Variants in UBXN7 observed in about 807,000 individuals in gnomAD.
The protein encoded by UBXN7 is UBX domain protein 7.
A neutral mutation model predicts 58.0 loss-of-function variants in UBXN7; 9 were observed. That is an observed-to-expected ratio of 0.16 (90% confidence interval 0.09 to 0.27). The LOEUF (loss-of-function observed/expected upper bound fraction) is 0.27, where lower values mean the gene tolerates loss of function less well. UBXN7 is among the 10% of genes least tolerant of loss of function. The pLI is 1.00. For missense variants in UBXN7, 328 were observed against 599.6 expected (o/e 0.55, Z 4.73); for synonymous variants, 208 against 205.0 (o/e 1.01, Z -0.12).
intron 3 of UBXN7, among the ~76,000 whole-genome samples, chr3:196,401,861 A>G (rs1730004796): frequency 6.6e-6 from 1 of 150,798 alleles, no homozygotes; most frequent in Non-Finnish European, 1.5e-5. Flanking sequence ...AGAAGAGAAG[A>G]AAAACTACCT....
intron 1 of UBXN7, among the ~76,000 whole-genome samples, chr3:196,408,634 G>T (rs1458071411): frequency 6.6e-6 from 1 of 151,958 alleles, no homozygotes; most frequent in African/African-American, 2.4e-5. Context: ...TTAAGTTTTT[G>T]TCTGCAAATG....
At position 196,375,004 on chromosome 3, in the gene UBXN7, GAGGAAGGA is replaced by G. The variant is rs1179864500; in HGVS notation, c.469-2970_469-2963del. On this transcript the variant is annotated intron_variant, in intron 5 of 10. Transcript: ENST00000296328. Reference sequence around the variant, plus strand: ...GAAGGAAGGGAGGGAGGGAGGGAGGGAGGAAGGAAGGAAGGAAGGAAGGAAGGAAGGAA... The same window carrying G: ...GAAGGAAGGGAGGGAGGGAGGGAGGGAGGAAGGAAGGAAGGAAGGAAGGAA... Among the ~76,000 whole-genome samples, 40 of 37,532 alleles carry G rather than the reference GAGGAAGGA, an allele frequency of 1.1e-3. 1 individual carries two copies. Among genetic ancestry groups the G allele is most frequent in the African/African-American group, 5.2e-3 (35 of 6,746 alleles). The allele number at this position is 37,532 out of a possible 152,430, so 24.6% of individuals were successfully genotyped here. A position where few individuals can be genotyped will look rare whatever the true frequency, so the allele number is the denominator to read the frequency against.
intron 1 of UBXN7, chr3:196,423,412 G>C: frequency 3.7e-6 from 1 of 268,842 alleles, no homozygotes; most frequent in South Asian, 3.1e-5. Flanking sequence ...TGTGGAGCTG[G>C]CCCCCTCATC....
intron 1 of UBXN7, among the ~76,000 whole-genome samples, chr3:196,417,970 C>T (rs1405952646): frequency 3.3e-5 from 5 of 151,776 alleles, no homozygotes; most frequent in Admixed American, 2.0e-4. Flanking sequence ...TGGGATACCT[C>T]TTAATTAGCA....
Position 196,356,900 on chromosome 3 carries a change from T to C in UBXN7, c.1309-54A>G, listed in dbSNP as rs192851127. Reference sequence around the variant, plus strand: ...TTAGACGGAAAAAGAGGAAAGAGCATATTAGTGAATTAAATAGAAAACATT... The same window carrying C: ...TTAGACGGAAAAAGAGGAAAGAGCACATTAGTGAATTAAATAGAAAACATT... On this transcript the variant is annotated intron_variant, in intron 10 of 10. Coordinates refer to ENST00000296328, the MANE Select transcript of UBXN7 (RefSeq NM_015562.2). 3.2e-6 allele frequency: 5 copies of C among 1,556,382 alleles called. No individual in the cohort carries two copies. In the East Asian group the frequency reaches 6.9e-5, roughly 21 times the overall value.
chr3:196,417,462 C>T (rs577665380), intron 1 of UBXN7, among the ~76,000 whole-genome samples: 1 of 152,048 alleles, frequency 6.6e-6, no homozygotes, highest in Non-Finnish European at 1.5e-5. Flanking sequence ...TTAATAAGAG[C>T]CTGGGAACTA....
intron 2 of UBXN7, among the ~76,000 whole-genome samples, 166 bp downstream of exon 2, chr3:196,407,080 A>G (rs1364978972): frequency 6.6e-6 from 1 of 152,266 alleles, no homozygotes; most frequent in Non-Finnish European, 1.5e-5. Context: ...ACAGTACTCT[A>G]AAGAATTTAA....
intron 5 of UBXN7, among the ~76,000 whole-genome samples, chr3:196,379,973 G>GA (rs1729150133): frequency 6.6e-6 from 1 of 152,186 alleles, no homozygotes; most frequent in Admixed American, 6.5e-5. Context: ...GGTTTATCAA[G>GA]AATGTGAAGG....
Position 196,401,248 on chromosome 3 carries a change from C to CAAAAAA in UBXN7, c.289+1698_289+1703dup, listed in dbSNP as rs35766312. 8.4e-3 allele frequency among the ~76,000 whole-genome samples: 19 copies of CAAAAAA among 2,274 alleles called. 7 individuals are homozygous for CAAAAAA. The highest frequency in any genetic ancestry group is 0.01 in the Non-Finnish European group (12 of 1,180). 1.5% of individuals were successfully genotyped at this position (2,274 alleles called of 152,430 possible). On this transcript the variant is annotated intron_variant, in intron 3 of 10. Coordinates refer to ENST00000296328, the MANE Select transcript of UBXN7 (RefSeq NM_015562.2). ...CTAACATGGAGAAACCCCGTCTCTC[C>CAAAAAA]AAAAAAAAAAAAAAAAAAAAAAAAA...
chr3:196,373,380 T>C (rs1728898926), intron 5 of UBXN7, among the ~76,000 whole-genome samples: 1 of 152,192 alleles, frequency 6.6e-6, no homozygotes, highest in Admixed American at 6.5e-5. Context: ...CTTGTCAGCA[T>C]AAAGACCCAT....
At chr3:196,380,703 C>T (rs577298058) in intron 5 of UBXN7, among the ~76,000 whole-genome samples, 14 of 152,314 alleles carry the variant, frequency 9.2e-5, no homozygotes, top group South Asian at 2.1e-4. Flanking sequence ...TGCAAGGGGT[C>T]GGGGAAATCA....
At chr3:196,415,005 C>G (rs1447547277) in intron 1 of UBXN7, among the ~76,000 whole-genome samples, 4 of 152,154 alleles carry the variant, frequency 2.6e-5, no homozygotes, top group African/African-American at 9.7e-5. Context: ...AATACAAATT[C>G]TTGGGGCAAA....
intron 3 of UBXN7, among the ~76,000 whole-genome samples, chr3:196,395,812 C>T (rs1729751790): frequency 1.3e-5 from 2 of 152,112 alleles, no homozygotes; most frequent in African/African-American, 4.8e-5. Context: ...GTTGCCCAGG[C>T]TGGAGTGCAG....
chr3:196,430,184 G>A (rs1027656609), intron 1 of UBXN7, among the ~76,000 whole-genome samples: 19 of 151,738 alleles, frequency 1.3e-4, no homozygotes, highest in Admixed American at 3.3e-4. Context: ...ATGAAACCCC[G>A]CCTCTACTAA....
intron 1 of UBXN7, chr3:196,432,028 C>A: frequency 1.8e-6 from 1 of 546,512 alleles, no homozygotes; most frequent in Non-Finnish European, 3.3e-6. Flanking sequence ...CCCCCGGGTC[C>A]CCGGGCCGGC....
At position 196,362,492 on chromosome 3, in the gene UBXN7, G is replaced by C. The variant is rs752485691; in HGVS notation, c.1030C>G (p.Leu344Val). Reference sequence around the variant, plus strand: ...TGGGGAGACTTTCTGGACTTGGCAAGATTCTCTACCTCTTCTTCTTCATCA... The same window carrying C: ...TGGGGAGACTTTCTGGACTTGGCAACATTCTCTACCTCTTCTTCTTCATCA... The part of the protein sequence containing the change: ...GSDEEEEVEN[L>V]AKSRKSPHKD... Residue 344 changes from leucine (L) to valine (V), a missense_variant, in exon 9 of 11, where the codon CTT (leucine) becomes GTT (valine). Leu to Val is a conservative substitution (Grantham distance 32). Coordinates refer to ENST00000296328, the MANE Select transcript of UBXN7 (RefSeq NM_015562.2). The C allele has an allele frequency of 1.2e-6, 2 of 1,614,026 alleles. No individual in the cohort carries two copies. The highest frequency in any genetic ancestry group is 1.3e-5 in the African/African-American group (1 of 74,892).
intron 5 of UBXN7, among the ~76,000 whole-genome samples, chr3:196,374,132 T>C (rs1018069186): frequency 2.6e-5 from 4 of 152,304 alleles, no homozygotes; most frequent in Middle Eastern, 3.4e-3. Flanking sequence ...AAAATGACCA[T>C]ACGTTCTAGA....
intron 1 of UBXN7, among the ~76,000 whole-genome samples, chr3:196,411,015 G>A (rs114139570): frequency 0.013 from 1,958 of 152,006 alleles, 42 homozygotes; most frequent in South Asian, 0.075. Context: ...CCTCCCCATC[G>A]TCCCCTCATC....
rs34194652 is a variant in UBXN7, at chr3:196,394,286, C to CAAAA, written c.290-671_290-668dup. On this transcript the variant is annotated intron_variant, in intron 3 of 10. Coordinates refer to ENST00000296328, the MANE Select transcript of UBXN7 (RefSeq NM_015562.2). ...GGGCAACAAGAGCGAAACTCCATCT[C>CAAAA]AAAAAAAAAAAAAAAAAAAGTTTAC... Among the ~76,000 whole-genome samples the CAAAA allele has an allele frequency of 2.1e-3, 189 of 88,182 alleles. 1 individual carries two copies. The highest frequency in any genetic ancestry group is 8.8e-3 in the African/African-American group (182 of 20,786). The allele number at this position is 88,182 out of a possible 152,430, so 57.9% of individuals were successfully genotyped here. A position where few individuals can be genotyped will look rare whatever the true frequency, so the allele number is the denominator to read the frequency against.
Sources: gnomAD v4.1 joint callset for allele counts (sites outside exome capture counted in the v4.1 genomes callset) on GRCh38, gnomAD v4.1.1 for gene constraint, MANE v1.5 for transcripts, NCBI Gene and HGNC (gene_info 2026-07-23, HGNC 2026-07-21) for gene names.